Variants in C18orf63 observed in about 807,000 individuals in gnomAD.
C18orf63 encodes chromosome 18 open reading frame 63.
In C18orf63, 50 loss-of-function variants were observed where a neutral mutation model predicts 75.3. That is an observed-to-expected ratio of 0.66 (90% CI 0.53 to 0.84). The LOEUF (loss-of-function observed/expected upper bound fraction) is 0.84. Among genes scored for constraint, C18orf63 ranks in the 40% least tolerant of loss-of-function variants. The pLI is 0.00. For synonymous variants in C18orf63, 232 were observed against 267.6 expected (o/e 0.87, Z 1.30); for missense variants, 732 against 800.2 (o/e 0.91, Z 1.03).
intron 11 of C18orf63, among the ~76,000 whole-genome samples, chr18:74,348,298 A>T (rs752971724): frequency 3.3e-5 from 5 of 152,132 alleles, no homozygotes; most frequent in Non-Finnish European, 7.4e-5. Context: ...GTGTCATGTC[A>T]CTTAAAGAAA....
At position 74,353,352 on chromosome 18, in the gene C18orf63, G is replaced by T. The variant is rs1403778872; in HGVS notation, c.1085G>T (p.Cys362Phe). ...GCCTGTGCTCAAAGTCTTCTACCAT[G>T]TTCAGTAGCAGTGGACCACAAGGTG... ...KPACAQSLLP[C>F]SVAVDHKVEL... The change falls in exon 12 of 14, where the codon TGT (cysteine) becomes TTT (phenylalanine). Residue 362 changes from cysteine to phenylalanine, a missense_variant. Around this residue, in one of 3 missense-constraint regions of C18orf63, gnomAD observed 495 missense variants for 508.7 expected, o/e 0.97. Coordinates refer to ENST00000579455, the MANE Select transcript of C18orf63 (RefSeq NM_001174123.2). 1 of 1,536,434 alleles carries T rather than the reference G, an allele frequency of 6.5e-7. No individual in the cohort carries two copies. The highest frequency in any genetic ancestry group is 8.7e-7 in the Non-Finnish European group (1 of 1,146,972).
At chr18:74,343,477 C>T (rs1984521591) in intron 10 of C18orf63, 42 bp from the exon 11 acceptor site, 5 of 1,331,764 alleles carry the variant, frequency 3.8e-6, no homozygotes, top group South Asian at 1.6e-5. Flanking sequence ...ATTTCTGCCT[C>T]TTATGTAATA....
At chr18:74,320,375 G>C in intron 2 of C18orf63, 138 bp from the exon 3 acceptor site, 1 of 527,976 alleles carries the variant, frequency 1.9e-6, no homozygotes, top group Non-Finnish European at 3.3e-6. Flanking sequence ...CAACAGGGGG[G>C]AAATCCGCCG....
At chr18:74,328,688 G>A (rs1036735141) in intron 5 of C18orf63, among the ~76,000 whole-genome samples, 8 of 152,110 alleles carry the variant, frequency 5.3e-5, no homozygotes, top group Non-Finnish European at 1.2e-4. Flanking sequence ...ATGATAAAAT[G>A]AGCACAATAC....
At position 74,354,015 on chromosome 18, in the gene C18orf63, A is replaced by C; in HGVS notation, c.1748A>C (p.Lys583Thr). ...AAAGGTATAACACAAATTTTAGGGA[A>C]AAGCCATGGGTCACTAAAACTGAAA... Reference protein sequence around the residue: ...TGKGITQILGKSHGSLKLKRQ... With the variant: ...TGKGITQILGTSHGSLKLKRQ... Residue 583 changes from lysine to threonine, a missense_variant, in exon 12 of 14, where the codon AAA becomes ACA. Coordinates refer to ENST00000579455, the MANE Select transcript of C18orf63 (RefSeq NM_001174123.2). 1 of 1,536,530 alleles carries C rather than the reference A, an allele frequency of 6.5e-7. No homozygotes were observed. Among genetic ancestry groups the C allele is most frequent in the Non-Finnish European group, 8.7e-7 (1 of 1,146,978 alleles).
intron 2 of C18orf63, among the ~76,000 whole-genome samples, chr18:74,319,060 C>T (rs1033243054): frequency 6.6e-6 from 1 of 152,154 alleles, no homozygotes; most frequent in Non-Finnish European, 1.5e-5. Context: ...TATTTTCCCA[C>T]CCAGGGGCAT....
rs1020782532 is a variant in C18orf63 at position 74,354,156 on chromosome 18, G to A, written c.1889G>A (p.Ser630Asn). 93 of 1,536,158 alleles carry A rather than the reference G, an allele frequency of 6.1e-5. No individual in the cohort carries two copies. Among genetic ancestry groups the A allele is most frequent in the Non-Finnish European group, 7.6e-5 (87 of 1,146,950 alleles). Reference sequence around the variant, plus strand: ...ACAAGTGACCACAGGTTGATAGTAAGCAAAATAGCCCACAGGTCTAAAAGA... The same window carrying A: ...ACAAGTGACCACAGGTTGATAGTAAACAAAATAGCCCACAGGTCTAAAAGA... ...VGTSDHRLIV[S>N]KIAHRSKRKL... The change falls in exon 12 of 14, where the codon AGC becomes AAC. Residue 630 changes from serine to asparagine, a missense_variant. Transcript: ENST00000579455.
intron 5 of C18orf63, 114 bp from the exon 6 acceptor site, chr18:74,328,881 C>A: frequency 3.4e-6 from 2 of 591,536 alleles, no homozygotes; most frequent in Non-Finnish European, 6.1e-6. Context: ...ATAACAACTG[C>A]ATTTTAAAGT....
At chr18:74,333,524 A>G (rs1275496698) in intron 7 of C18orf63, among the ~76,000 whole-genome samples, 1 of 152,176 alleles carries the variant, frequency 6.6e-6, no homozygotes, top group Non-Finnish European at 1.5e-5. Context: ...GTCCTTCTTC[A>G]CAAGGTGGCA....
At position 74,338,769 on chromosome 18, in the gene C18orf63, C is replaced by T. The variant is rs1984432406; in HGVS notation, c.556C>T (p.His186Tyr). ...TATAAAGGATTTTCATGCTAACAAG[C>T]ATGCTGTCATTGAGAGACATTCCAT... ...SIIKDFHANKHAVIERHSILS... is the reference protein window; with the variant it reads ...SIIKDFHANKYAVIERHSILS... The change falls in exon 8 of 14, where the codon CAT becomes TAT. Residue 186 changes from histidine to tyrosine, a missense_variant. By Grantham distance (83) the His-to-Tyr change is moderately conservative. Around this residue, in one of 3 missense-constraint regions of C18orf63, gnomAD observed 233 missense variants for 272.7 expected, o/e 0.85. Coordinates refer to ENST00000579455, the MANE Select transcript of C18orf63 (RefSeq NM_001174123.2). 7.0e-7 allele frequency: 1 copy of T among 1,425,746 alleles called. No homozygotes were observed. The highest frequency in any genetic ancestry group is 1.4e-5 in the African/African-American group (1 of 70,664). The allele number at this position is 1,425,746 out of a possible 1,614,324, so 88.3% of individuals were successfully genotyped here.
At chr18:74,327,707 T>G (rs1032707796) in intron 4 of C18orf63, among the ~76,000 whole-genome samples, 1 of 152,206 alleles carries the variant, frequency 6.6e-6, no homozygotes, top group Admixed American at 6.5e-5. Context: ...CTGGCCAGGG[T>G]CAGCAGGTAG....
rs929450991 is a variant in C18orf63 at position 74,353,473 on chromosome 18, G to A, written c.1206G>A (p.Arg402=). The change falls in exon 12 of 14, where the codon AGG becomes AGA. Residue 402 remains arginine (R), a synonymous_variant. Transcript: ENST00000579455. Reference sequence around the variant, plus strand: ...GTAGAAAGAAATCCCTGTCTATCAGGGCTCCACAAGTACATTCAGAAGTAT... The same window carrying A: ...GTAGAAAGAAATCCCTGTCTATCAGAGCTCCACAAGTACATTCAGAAGTAT... ...VQGRKKSLSI[R]APQVHSEVLM... 1 of 1,536,182 alleles carries A rather than the reference G, an allele frequency of 6.5e-7. No individual in the cohort carries two copies. Among genetic ancestry groups the A allele is most frequent in the Admixed American group, 2.0e-5 (1 of 50,960 alleles).
At chr18:74,320,637 A>G (rs1318454295) in intron 3 of C18orf63, 46 bp downstream of exon 3, 1 of 1,086,284 alleles carries the variant, frequency 9.2e-7, no homozygotes, top group East Asian at 2.6e-5. Context: ...AGTTGAGAAC[A>G]ATATTGATAA....
At chr18:74,341,917 T>C (rs189426642) in intron 8 of C18orf63, 115 bp from the exon 9 acceptor site, 2 of 599,332 alleles carry the variant, frequency 3.3e-6, no homozygotes, top group Admixed American at 3.1e-5. Context: ...GTTTACTATA[T>C]ATAGCTAGTG....
At chr18:74,333,133 G>T (rs2145121596) in intron 7 of C18orf63, among the ~76,000 whole-genome samples, 1 of 152,270 alleles carries the variant, frequency 6.6e-6, no homozygotes. Flanking sequence ...TTCATTACTG[G>T]AAAGGAAAAA....
In C18orf63 at chr18:74,358,408, G is replaced by A. The variant is rs1472707381; in HGVS notation, c.*1961G>A. 6.6e-6 allele frequency: 1 copy of A among 152,102 alleles called. No individual in the cohort carries two copies. The highest frequency in any genetic ancestry group is 1.5e-5 in the Non-Finnish European group (1 of 68,020). 9.4% of individuals were successfully genotyped at this position (152,102 alleles called of 1,614,324 possible). ...TTTAATATAGATAGGTATATAGATT[G>A]TTGATTTCATATTTCATGTTCCAAG... On this transcript the variant is annotated 3_prime_UTR_variant, in exon 14 of 14. Transcript: ENST00000579455.
At chr18:74,326,215 T>G (rs1414524305) in intron 4 of C18orf63, among the ~76,000 whole-genome samples, 1 of 152,168 alleles carries the variant, frequency 6.6e-6, no homozygotes, top group Non-Finnish European at 1.5e-5. Flanking sequence ...TGCCAATAGA[T>G]TATTCAGTTA....
intron 1 of C18orf63, among the ~76,000 whole-genome samples, chr18:74,317,200 T>C (rs1790076555): frequency 6.6e-6 from 1 of 152,244 alleles, no homozygotes; most frequent in African/African-American, 2.4e-5. Context: ...GTTAGTGTAC[T>C]GAAGCTTCAC....
At chr18:74,329,992 G>A (rs1470852353) in intron 6 of C18orf63, among the ~76,000 whole-genome samples, 2 of 152,112 alleles carry the variant, frequency 1.3e-5, no homozygotes, top group Admixed American at 1.3e-4. Flanking sequence ...TCCAGCTGAA[G>A]CCTGTTTGCT....
Sources: allele counts gnomAD v4.1 joint callset (sites outside exome capture counted in the v4.1 genomes callset), GRCh38; gene constraint gnomAD v4.1.1; regional missense constraint gnomAD v4.1.1; transcripts MANE v1.5; gene names NCBI Gene and HGNC (gene_info 2026-07-23, HGNC 2026-07-21).